Variants in PTP4A3 observed in about 807,000 individuals in gnomAD.
The protein encoded by PTP4A3 is protein tyrosine phosphatase type IVA 3.
PTP4A3 carries 9 observed loss-of-function variants against 15.2 expected under a neutral mutation model. The ratio of observed to expected loss-of-function variants is 0.59; its 90% confidence interval spans 0.36 to 1.03. The LOEUF is 1.03. Among genes scored for constraint, PTP4A3 ranks in the 50% least tolerant of loss-of-function variants. The probability of loss-of-function intolerance (pLI) is 0.02; values close to 1 mark genes in which losing one functional copy is unlikely to be tolerated. For missense variants in PTP4A3, 234 were observed against 252.1 expected (o/e 0.93, Z 0.49); for synonymous variants, 95 against 102.0 (o/e 0.93, Z 0.41).
rs946269879 is a variant in PTP4A3, at chr8:141,406,750, A to G, written c.-853-14638A>G. On this transcript the variant is annotated intron_variant, in intron 1 of 5. Transcript: ENST00000521578. The surrounding 1 kb of genome is among the most constrained non-coding windows in gnomAD (Gnocchi z 4.5). Reference sequence around the variant, plus strand: ...CACCGACAGCCCGCCTCTTCTTTCCATCTTAATCCATCTTGCCAGCTCTCA... The same window carrying G: ...CACCGACAGCCCGCCTCTTCTTTCCGTCTTAATCCATCTTGCCAGCTCTCA... Among the ~76,000 whole-genome samples, 2 of 151,950 alleles carry G rather than the reference A, an allele frequency of 1.3e-5. No individual in the cohort carries two copies. The highest frequency in any genetic ancestry group is 4.8e-5 in the African/African-American group (2 of 41,362).
intron 1 of PTP4A3, among the ~76,000 whole-genome samples, chr8:141,403,143 C>A (rs1832637476): frequency 6.6e-6 from 1 of 152,190 alleles, no homozygotes; most frequent in Non-Finnish European, 1.5e-5. Flanking sequence ...TGGGCCAACC[C>A]CAGGATGAGC....
chr8:141,399,164 T>G (rs1832523546), intron 1 of PTP4A3, among the ~76,000 whole-genome samples: 1 of 152,186 alleles, frequency 6.6e-6, no homozygotes, highest in Non-Finnish European at 1.5e-5. Context: ...GTGCTTTACC[T>G]GCTCATCCAC....
intron 1 of PTP4A3, among the ~76,000 whole-genome samples, chr8:141,398,607 G>A (rs779338605): frequency 1.3e-5 from 2 of 152,208 alleles, no homozygotes; most frequent in Non-Finnish European, 2.9e-5. Context: ...GGAGGGTCTC[G>A]GGTCCATGGC....
In PTP4A3 at chr8:141,421,830, C is replaced by T. The variant is rs796528401; in HGVS notation, c.-411C>T. 5.5e-5 allele frequency: 10 copies of T among 181,790 alleles called. No homozygotes were observed. The highest frequency in any genetic ancestry group is 1.7e-4 in the African/African-American group (7 of 41,882). 11.3% of individuals were successfully genotyped at this position (181,790 alleles called of 1,614,324 possible). A position where few individuals can be genotyped will look rare whatever the true frequency, so the allele number is the denominator to read the frequency against. On this transcript the variant is annotated 5_prime_UTR_variant, in exon 2 of 6. Transcript: ENST00000521578. The stretch of plus-strand genomic sequence containing the variant: ...GGGTCCAGCTCTGGACACTGCTTGG[C>T]GGCCGGGTTCACTTTGAGTTTTTAA...
chr8:141,422,505 G>C (rs1417210774), intron 2 of PTP4A3, among the ~76,000 whole-genome samples, 160 bp downstream of exon 2: 1 of 152,216 alleles, frequency 6.6e-6, no homozygotes. Flanking sequence ...GGATCCTGGA[G>C]GAGGGAGATG....
At chr8:141,392,788 C>G (rs1586528277) in intron 1 of PTP4A3, among the ~76,000 whole-genome samples, 1 of 152,202 alleles carries the variant, frequency 6.6e-6, no homozygotes, top group Non-Finnish European at 1.5e-5. Context: ...AGCAGTTTCA[C>G]CCTGCCGGTT....
At chr8:141,415,298 A>T (rs1832994698) in intron 1 of PTP4A3, among the ~76,000 whole-genome samples, 1 of 151,856 alleles carries the variant, frequency 6.6e-6, no homozygotes. Context: ...AGCCCTGGAC[A>T]GCCCCCAGTC....
At chr8:141,396,942 C>G (rs555240978) in intron 1 of PTP4A3, among the ~76,000 whole-genome samples, 89 of 152,250 alleles carry the variant, frequency 5.8e-4, no homozygotes, top group Non-Finnish European at 1.0e-3. Flanking sequence ...GGGACCTGCC[C>G]TTGAGCCAGG....
chr8:141,425,001 C>T lies in PTP4A3; in HGVS notation c.106-47C>T, dbSNP rs765510879. The T allele has an allele frequency of 4.3e-5, 66 of 1,519,774 alleles. 1 individual carries two copies. The highest frequency in any genetic ancestry group is 1.7e-4 in the Middle Eastern group (1 of 5,798). 94.1% of individuals were successfully genotyped at this position (1,519,774 alleles called of 1,614,324 possible). A position where few individuals can be genotyped will look rare whatever the true frequency, so the allele number is the denominator to read the frequency against. On this transcript the variant is annotated intron_variant, in intron 2 of 5. Coordinates refer to ENST00000521578, the MANE Select transcript of PTP4A3 (RefSeq NM_032611.3). This position sits in a 1 kb window ranked among gnomAD's most constrained non-coding sequence, Gnocchi z 4.2. ...GGTGAGTGGGTCCTGCCCCCTGAGC[C>T]CTGCAGCCCCAGCCCAGCCCTGCCT... is the stretch of plus-strand genomic sequence containing the variant.
intron 1 of PTP4A3, among the ~76,000 whole-genome samples, chr8:141,416,104 T>C (rs941403232): frequency 6.6e-6 from 1 of 152,056 alleles, no homozygotes; most frequent in Non-Finnish European, 1.5e-5. Context: ...GTGATGAGGA[T>C]GCTGGGGTCC....
In PTP4A3 at chr8:141,426,963, C is replaced by A. The variant is rs972445016; in HGVS notation, c.223C>A (p.Pro75Thr). 1.2e-6 allele frequency: 2 copies of A among 1,610,446 alleles called. No homozygotes were observed. Among genetic ancestry groups the A allele is most frequent in the Non-Finnish European group, 1.7e-6 (2 of 1,179,834 alleles). Residue 75 changes from proline to threonine, a missense_variant, in exon 4 of 6, where the codon CCC becomes ACC. Transcript: ENST00000521578. ...VVDWPFDDGAPPPGKVVEDWL... is the reference protein window; with the variant it reads ...VVDWPFDDGATPPGKVVEDWL... ...GGACTGGCCGTTTGACGATGGGGCG[C>A]CCCCGCCCGGCAAGGTAGTGGAAGA...
intron 2 of PTP4A3, among the ~76,000 whole-genome samples, chr8:141,423,979 G>A (rs565681600): frequency 6.0e-4 from 90 of 150,880 alleles, no homozygotes; most frequent in African/African-American, 2.1e-3. Context: ...GGCTCAGGAC[G>A]TGACCAGGAT....
At chr8:141,401,073 C>T (rs1157112058) in intron 1 of PTP4A3, among the ~76,000 whole-genome samples, 2 of 152,108 alleles carry the variant, frequency 1.3e-5, no homozygotes, top group African/African-American at 2.4e-5. Flanking sequence ...TTAATGGCAC[C>T]GTCGCGAGCC....
intron 1 of PTP4A3, among the ~76,000 whole-genome samples, chr8:141,420,307 C>CCTCA (rs1291046185): frequency 9.9e-5 from 15 of 152,162 alleles, no homozygotes; most frequent in African/African-American, 2.9e-4. Context: ...TGCGGGGACC[C>CCTCA]CTCAGCAGCA....
chr8:141,393,368 C>T (rs1191666431), intron 1 of PTP4A3, among the ~76,000 whole-genome samples: 1 of 152,216 alleles, frequency 6.6e-6, no homozygotes, highest in East Asian at 1.9e-4. Context: ...CCACGCCGGC[C>T]CCCCTCACTG....
intron 5 of PTP4A3, among the ~76,000 whole-genome samples, chr8:141,428,901 T>C (rs1833712002): frequency 6.6e-6 from 1 of 152,194 alleles, no homozygotes; most frequent in Non-Finnish European, 1.5e-5. Flanking sequence ...TGTACACACG[T>C]GTGCACTCAT....
At chr8:141,396,321 G>C (rs895063927) in intron 1 of PTP4A3, among the ~76,000 whole-genome samples, 1 of 152,182 alleles carries the variant, frequency 6.6e-6, no homozygotes, top group African/African-American at 2.4e-5. Context: ...GAGAAGTGAC[G>C]TGCCAGGGTC....
chr8:141,414,276 C>A (rs993543045), intron 1 of PTP4A3, among the ~76,000 whole-genome samples: 1 of 152,208 alleles, frequency 6.6e-6, no homozygotes, highest in African/African-American at 2.4e-5. Context: ...GGACATTAGG[C>A]CATTTGTGTA....
At position 141,411,490 on chromosome 8, in the gene PTP4A3, C is replaced by T. The variant is rs527302666; in HGVS notation, c.-853-9898C>T. On this transcript the variant is annotated intron_variant, in intron 1 of 5. Transcript: ENST00000521578. ...GCCGTGTGCACTGGCTCTGGGGGTG[C>T]CAGGCTGCGTCTCACCATCGGGCCA... Among the ~76,000 whole-genome samples, 9 of 152,336 alleles carry T rather than the reference C, an allele frequency of 5.9e-5. No homozygotes were observed. In the East Asian group the frequency reaches 1.4e-3, roughly 23 times the overall value.
Sources: gnomAD v4.1 joint callset for allele counts (sites outside exome capture counted in the v4.1 genomes callset) on GRCh38, gnomAD v4.1.1 for gene constraint, Gnocchi (gnomAD v3.1) non-coding constraint, MANE v1.5 for transcripts, NCBI Gene and HGNC (gene_info 2026-07-23, HGNC 2026-07-21) for gene names.